IFNLR1: variants seen among roughly 807,000 people sequenced by gnomAD.
IFNLR1 encodes the protein CRF2-12.
IFNLR1 carries 28 observed loss-of-function variants against 52.5 expected under a neutral mutation model. That is an observed-to-expected ratio of 0.53 (90% CI 0.40 to 0.73). The LOEUF (loss-of-function observed/expected upper bound fraction) is 0.73, where lower values mean the gene tolerates loss of function less well. Ranked by LOEUF, IFNLR1 falls within the 30% of genes least tolerant of loss-of-function variation. The probability of loss-of-function intolerance (pLI) is 0.00; values close to 1 mark genes in which losing one functional copy is unlikely to be tolerated. For missense variants in IFNLR1, 623 were observed against 659.1 expected, an observed-to-expected ratio of 0.95 and a Z score of 0.60; for synonymous variants, 276 against 274.9, an observed-to-expected ratio of 1.00 and a Z score of -0.04.
chr1:24,181,747 C>T (rs530657711), intron 1 of IFNLR1, among the ~76,000 whole-genome samples: 1 of 152,284 alleles, frequency 6.6e-6, no homozygotes, highest in East Asian at 1.9e-4. Context: ...TTGCTGGGAA[C>T]ACAGTCTGGC....
At chr1:24,162,876 TTTCCTTCCTTCCTTCC>T (rs752104875) in intron 3 of IFNLR1, among the ~76,000 whole-genome samples, 407 of 22,544 alleles carry the variant, frequency 0.018, 22 homozygotes, top group East Asian at 0.1. Context: ...TCTTTCTTTC[TTTCCTTCCTTCCTTCC>T]TTCCTTCCTT....
intron 1 of IFNLR1, among the ~76,000 whole-genome samples, chr1:24,183,273 C>T (rs1411951933): frequency 6.6e-6 from 1 of 151,800 alleles, no homozygotes; most frequent in Admixed American, 6.6e-5. Context: ...GAAAACACCT[C>T]ATACTATTAA....
At chr1:24,173,350 T>G (rs940065554) in intron 2 of IFNLR1, among the ~76,000 whole-genome samples, 3 of 152,166 alleles carry the variant, frequency 2.0e-5, no homozygotes, top group African/African-American at 7.2e-5. Flanking sequence ...TTCAACATCA[T>G]TCATCATTAG....
intron 2 of IFNLR1, 95 bp from the exon 3 acceptor site, chr1:24,169,696 T>C: frequency 7.5e-7 from 1 of 1,335,664 alleles, no homozygotes; most frequent in South Asian, 1.4e-5. Flanking sequence ...TCTGTTTGGC[T>C]GGACTGACTT....
Position 24,187,177 on chromosome 1 carries a change from C to T in IFNLR1, c.58+14G>A. On this transcript the variant is annotated intron_variant, in intron 1 of 6. Coordinates refer to ENST00000327535, the MANE Select transcript of IFNLR1 (RefSeq NM_170743.4). ...GCCCTCTTCCCCCTCCCTCCCGCGGCCCCGCGCCCTTACCTGGAGCGGCCT... is the reference window on the plus strand; with the variant it reads ...GCCCTCTTCCCCCTCCCTCCCGCGGTCCCGCGCCCTTACCTGGAGCGGCCT... 1 of 1,361,622 alleles carries T rather than the reference C, an allele frequency of 7.3e-7. No homozygotes were observed. The highest frequency in any genetic ancestry group is 9.5e-7 in the Non-Finnish European group (1 of 1,053,788). The allele number at this position is 1,361,622 out of a possible 1,614,324, so 84.3% of individuals were successfully genotyped here.
At chr1:24,161,272 G>T (rs1050996179) in intron 4 of IFNLR1, 3 of 579,938 alleles carry the variant, frequency 5.2e-6, no homozygotes, top group Non-Finnish European at 9.3e-6. Context: ...GTGATGTGTG[G>T]TCATCTCTGG....
rs1557639524 is a variant in IFNLR1, at chr1:24,157,057, G to A, written c.*73C>T. On this transcript the variant is annotated 3_prime_UTR_variant, in exon 7 of 7. Coordinates refer to ENST00000327535, the MANE Select transcript of IFNLR1 (RefSeq NM_170743.4). The surrounding 1 kb of genome is among the most constrained non-coding windows in gnomAD (Gnocchi z 5.1). ...CCAGGGGAGGTACGGAGGCTCTTGAGTTTCTTGGGAAGCCCAGTAGTCCTT... is the reference window on the plus strand; with the variant it reads ...CCAGGGGAGGTACGGAGGCTCTTGAATTTCTTGGGAAGCCCAGTAGTCCTT... 6.6e-6 allele frequency: 10 copies of A among 1,511,890 alleles called. No individual in the cohort carries two copies. Among genetic ancestry groups the A allele is most frequent in the Non-Finnish European group, 8.9e-6 (10 of 1,126,756 alleles). 93.7% of individuals were successfully genotyped at this position (1,511,890 alleles called of 1,614,324 possible). A position where few individuals can be genotyped will look rare whatever the true frequency, so the allele number is the denominator to read the frequency against.
Position 24,162,910 on chromosome 1 carries a change from TCC to T in IFNLR1, c.368-1228_368-1227del, listed in dbSNP as rs1352352392. Among the ~76,000 whole-genome samples, 204 of 103,146 alleles carry T rather than the reference TCC, an allele frequency of 2.0e-3. 10 individuals are homozygous for T. The highest frequency in any genetic ancestry group is 8.1e-3 in the Middle Eastern group (2 of 246). 67.7% of individuals were successfully genotyped at this position (103,146 alleles called of 152,430 possible). On this transcript the variant is annotated intron_variant, in intron 3 of 6. Coordinates refer to ENST00000327535, the MANE Select transcript of IFNLR1 (RefSeq NM_170743.4). ...TTCCTTCCTTCCTTCCTTCCTTCCT[TCC>T]TTCCTTTTCTTTCTTTTCTTTCTTT... is the stretch of plus-strand genomic sequence containing the variant.
chr1:24,186,509 A>G (rs1212282385), intron 1 of IFNLR1, among the ~76,000 whole-genome samples: 4 of 152,160 alleles, frequency 2.6e-5, no homozygotes, highest in African/African-American at 9.7e-5. Flanking sequence ...ACAGCTCTTT[A>G]AACTGTGAGT....
chr1:24,170,657 C>T (rs1644569936), intron 2 of IFNLR1, among the ~76,000 whole-genome samples: 1 of 152,176 alleles, frequency 6.6e-6, no homozygotes, highest in Non-Finnish European at 1.5e-5. Flanking sequence ...CCGTGCCTGG[C>T]CTAACATGTT....
Position 24,155,555 on chromosome 1 carries a change from G to T in IFNLR1, c.*1575C>A, listed in dbSNP as rs1472412822. On this transcript the variant is annotated 3_prime_UTR_variant, in exon 7 of 7. Transcript: ENST00000327535. ...AGTGAGGCTGCTCTGGTGAAAGTGG[G>T]AGGCTCCTATAGCCCCATGGCGCCC... 1 of 152,250 alleles carries T rather than the reference G, an allele frequency of 6.6e-6. No individual in the cohort carries two copies. The highest frequency in any genetic ancestry group is 1.5e-5 in the Non-Finnish European group (1 of 68,060). 9.4% of individuals were successfully genotyped at this position (152,250 alleles called of 1,614,324 possible).
chr1:24,163,007 C>A (rs1644480319), intron 3 of IFNLR1, among the ~76,000 whole-genome samples: 1 of 134,698 alleles, frequency 7.4e-6, no homozygotes, highest in South Asian at 2.6e-4. Context: ...ATCACCCAGG[C>A]TGGAGTGCAA....
chr1:24,159,301 G>T (rs758619437), intron 5 of IFNLR1, 119 bp from the exon 6 acceptor site: 1 of 1,356,606 alleles, frequency 7.4e-7, no homozygotes, highest in Non-Finnish European at 1.0e-6. Flanking sequence ...AACCCATCCT[G>T]CAGACTGTGC....
At position 24,162,827 on chromosome 1, in the gene IFNLR1, TTTCTTTTC is replaced by T. The variant is rs1363307058; in HGVS notation, c.368-1151_368-1144del. Among the ~76,000 whole-genome samples the T allele has an allele frequency of 7.7e-3, 377 of 49,178 alleles. 21 individuals are homozygous for T. The highest frequency in any genetic ancestry group is 0.019 in the South Asian group (21 of 1,092). The allele number at this position is 49,178 out of a possible 152,430, so 32.3% of individuals were successfully genotyped here. The stretch of plus-strand genomic sequence containing the variant: ...TTTTTCTTTCTTTTTTTCTTCTTTC[TTTCTTTTC>T]TTTCTTTCTTTCTTTCTTTCTTTCT... On this transcript the variant is annotated intron_variant, in intron 3 of 6. Coordinates refer to ENST00000327535, the MANE Select transcript of IFNLR1 (RefSeq NM_170743.4).
intron 2 of IFNLR1, among the ~76,000 whole-genome samples, chr1:24,172,163 T>C (rs1644587681): frequency 6.6e-6 from 1 of 152,162 alleles, no homozygotes; most frequent in African/African-American, 2.4e-5. Context: ...AATTAATAAA[T>C]AGCTGAAAGT....
At chr1:24,165,769 G>A (rs375776775) in intron 3 of IFNLR1, among the ~76,000 whole-genome samples, 1 of 152,200 alleles carries the variant, frequency 6.6e-6, no homozygotes, top group East Asian at 1.9e-4. Context: ...ACATGTTTAG[G>A]AAACATCCAC....
chr1:24,178,051 G>A (rs1204935447), intron 2 of IFNLR1, among the ~76,000 whole-genome samples: 2 of 152,132 alleles, frequency 1.3e-5, no homozygotes, highest in Non-Finnish European at 2.9e-5. Flanking sequence ...TTGGGAGGCC[G>A]AGGGGGGCAG....
chr1:24,187,255 C>T lies in IFNLR1; in HGVS notation c.-7G>A, dbSNP rs1240904282. On this transcript the variant is annotated 5_prime_UTR_variant, in exon 1 of 7. Transcript: ENST00000327535. Reference sequence around the variant, plus strand: ...AGCGCTCGGGCCCCGCCATGGCCTTCCTGCCGCGGCGTCCCCGCCCGGGCC... The same window carrying T: ...AGCGCTCGGGCCCCGCCATGGCCTTTCTGCCGCGGCGTCCCCGCCCGGGCC... 7.9e-7 allele frequency: 1 copy of T among 1,266,942 alleles called. No homozygotes were observed. Among genetic ancestry groups the T allele is most frequent in the Non-Finnish European group, 9.9e-7 (1 of 1,005,694 alleles). The allele number at this position is 1,266,942 out of a possible 1,614,324, so 78.5% of individuals were successfully genotyped here. A position where few individuals can be genotyped will look rare whatever the true frequency, so the allele number is the denominator to read the frequency against.
rs1391775378 is a variant in IFNLR1 at position 24,154,258 on chromosome 1, G to GA, written c.*2871dup. 1 of 152,056 alleles carries GA rather than the reference G, an allele frequency of 6.6e-6. No homozygotes were observed. Among genetic ancestry groups the GA allele is most frequent in the Non-Finnish European group, 1.5e-5 (1 of 68,012 alleles). The allele number at this position is 152,056 out of a possible 1,614,324, so 9.4% of individuals were successfully genotyped here. On this transcript the variant is annotated 3_prime_UTR_variant, in exon 7 of 7. Transcript: ENST00000327535. The stretch of plus-strand genomic sequence containing the variant: ...ATCGTTTAAATATGACATAAACATA[G>GA]AAAAAATAGAAATAAATACAAATAC...
Sources: gnomAD v4.1 joint callset for allele counts (sites outside exome capture counted in the v4.1 genomes callset) on GRCh38, gnomAD v4.1.1 for gene constraint, Gnocchi (gnomAD v3.1) non-coding constraint, MANE v1.5 for transcripts, NCBI Gene and HGNC (gene_info 2026-07-23, HGNC 2026-07-21) for gene names.